Variants in COL22A1 observed in about 807,000 individuals in gnomAD.
COL22A1 encodes the protein collagen type XXII alpha 1 chain, also known as collagen alpha-1(XXII) chain.
In COL22A1, 221 loss-of-function variants were observed where a neutral mutation model predicts 248.9. The ratio of observed to expected loss-of-function variants is 0.89; its 90% CI spans 0.80 to 0.99. The LOEUF (loss-of-function observed/expected upper bound fraction) is 0.99, where lower values mean the gene tolerates loss of function less well. Among genes scored for constraint, COL22A1 ranks in the 50% least tolerant of loss-of-function variants. The pLI is 0.00. For synonymous variants in COL22A1, 891 were observed against 793.4 expected (o/e 1.12, Z -2.07); for missense variants, 2,240 against 2,179.0 (o/e 1.03, Z -0.56).
intron 39 of COL22A1, among the ~76,000 whole-genome samples, chr8:138,681,722 A>G (rs778828541): frequency 3.3e-5 from 5 of 152,124 alleles, no homozygotes; most frequent in Non-Finnish European, 7.4e-5. Flanking sequence ...TCTAGGTCCT[A>G]ATTCCTTAAT....
intron 12 of COL22A1, among the ~76,000 whole-genome samples, chr8:138,795,097 A>C (rs1224743867): frequency 1.3e-5 from 2 of 152,198 alleles, no homozygotes; most frequent in Non-Finnish European, 2.9e-5. Context: ...CTCATTTAAA[A>C]AAAAAAGTGT....
At chr8:138,805,312 GGT>G (rs1267722771) in intron 10 of COL22A1, among the ~76,000 whole-genome samples, 23 of 95,536 alleles carry the variant, frequency 2.4e-4, no homozygotes, top group African/African-American at 1.5e-3. Flanking sequence ...GATGGTGTTT[GGT>G]GTGTGTGTGA....
Position 138,598,991 on chromosome 8 carries a change from G to C in COL22A1, c.4186-93C>G. The stretch of plus-strand genomic sequence containing the variant: ...AGGGGTTCCCCCAGTCTGCCTCTTA[G>C]ATCACTGAAAGGGAGACCTTGGCCC... On this transcript the variant is annotated intron_variant, in intron 60 of 64. Coordinates refer to ENST00000303045, the MANE Select transcript of COL22A1 (RefSeq NM_152888.3). The C allele has an allele frequency of 2.2e-6, 3 of 1,353,602 alleles. No individual in the cohort carries two copies. The South Asian group carries it at 3.7e-5, about 17-fold the overall frequency. 83.8% of individuals were successfully genotyped at this position (1,353,602 alleles called of 1,614,324 possible).
Position 138,646,684 on chromosome 8 carries a change from T to C in COL22A1, c.3448-2A>G. 6.4e-7 allele frequency: 1 copy of C among 1,572,906 alleles called. No homozygotes were observed. The highest frequency in any genetic ancestry group is 8.6e-7 in the Non-Finnish European group (1 of 1,158,482). ...TAGGCCTGGAGGCCCAGCCTCTCCC[T>C]GTATCAGGGATACAAGAAAAAAAAA... On this transcript the variant is annotated splice_acceptor_variant, in intron 46 of 64. Transcript: ENST00000303045. LOFTEE classifies it high-confidence loss of function.
At position 138,688,434 on chromosome 8, in the gene COL22A1, T is replaced by C. The variant is rs553354365; in HGVS notation, c.2862+483A>G. On this transcript the variant is annotated intron_variant, in intron 37 of 64. Coordinates refer to ENST00000303045, the MANE Select transcript of COL22A1 (RefSeq NM_152888.3). ...TACTCAGGAGGCTGAGACATGAGAA[T>C]TGCTTGAACCCGGGAGGCAGAGGTT... Among the ~76,000 whole-genome samples, 4 of 151,974 alleles carry C rather than the reference T, an allele frequency of 2.6e-5. No individual in the cohort carries two copies. The East Asian group carries it at 5.8e-4, about 22-fold the overall frequency.
intron 1 of COL22A1, among the ~76,000 whole-genome samples, chr8:138,912,331 C>A (rs1208337337): frequency 1.3e-5 from 2 of 152,224 alleles, no homozygotes; most frequent in African/African-American, 2.4e-5. Flanking sequence ...TTTCCTGGAA[C>A]CTTTGAACTT....
intron 1 of COL22A1, among the ~76,000 whole-genome samples, chr8:138,904,454 C>G (rs1240406980): frequency 6.6e-6 from 1 of 152,102 alleles, no homozygotes; most frequent in Non-Finnish European, 1.5e-5. Context: ...GAGGACAGGA[C>G]AGCCCTTCTC....
chr8:138,812,724 G>A (rs1232702765), intron 8 of COL22A1, among the ~76,000 whole-genome samples: 1 of 152,058 alleles, frequency 6.6e-6, no homozygotes, highest in Non-Finnish European at 1.5e-5. Context: ...GCAGCACTGG[G>A]GTTACACTGA....
intron 10 of COL22A1, among the ~76,000 whole-genome samples, chr8:138,806,315 GGTGT>G (rs958274692): frequency 1.0e-4 from 15 of 147,794 alleles, no homozygotes; most frequent in Admixed American, 2.7e-4. Context: ...TGTATTATGG[GGTGT>G]GTGTGTGTGT....
intron 3 of COL22A1, among the ~76,000 whole-genome samples, chr8:138,852,793 G>C (rs1358469425): frequency 6.6e-6 from 1 of 151,970 alleles, no homozygotes; most frequent in Non-Finnish European, 1.5e-5. Flanking sequence ...GTATGTGGAG[G>C]GAGTGTTTCA....
At chr8:138,771,274 C>T (rs576992940) in intron 16 of COL22A1, among the ~76,000 whole-genome samples, 1 of 152,304 alleles carries the variant, frequency 6.6e-6, no homozygotes, top group African/African-American at 2.4e-5. Context: ...AGAGCTATGG[C>T]GACAGTCTAG....
intron 47 of COL22A1, among the ~76,000 whole-genome samples, chr8:138,640,278 C>A (rs1451074484): frequency 6.6e-6 from 1 of 152,138 alleles, no homozygotes; most frequent in Admixed American, 6.5e-5. Context: ...ATAAAACAAT[C>A]ATTTGGAAGG....
At chr8:138,880,793 A>G (rs1378951265) in intron 2 of COL22A1, among the ~76,000 whole-genome samples, 3 of 152,248 alleles carry the variant, frequency 2.0e-5, no homozygotes, top group Admixed American at 2.0e-4. Context: ...ATAACGTCCC[A>G]GGCTGTTCAG....
intron 7 of COL22A1, among the ~76,000 whole-genome samples, chr8:138,813,980 A>G (rs1818467544): frequency 6.6e-6 from 1 of 152,256 alleles, no homozygotes; most frequent in Non-Finnish European, 1.5e-5. Flanking sequence ...CCCCTTAAAC[A>G]AGACGTAACA....
intron 41 of COL22A1, among the ~76,000 whole-genome samples, chr8:138,666,779 C>T (rs1824540529): frequency 6.6e-6 from 1 of 152,198 alleles, no homozygotes; most frequent in Non-Finnish European, 1.5e-5. Flanking sequence ...GAGCATTTAA[C>T]TTGTTTACCA....
rs79160090 is a variant in COL22A1 at position 138,728,235 on chromosome 8, G to A, written c.2140-2795C>T. 8.8e-3 allele frequency among the ~76,000 whole-genome samples: 1,334 copies of A among 151,880 alleles called. 6 individuals are homozygous for A. Among genetic ancestry groups the A allele is most frequent in the South Asian group, 0.036 (174 of 4,802 alleles). ...TGTAGAAACAGGGACTTGCTATATT[G>A]CACAGGCCGATCTTGAACTCCTGGG... On this transcript the variant is annotated intron_variant, in intron 23 of 64. Transcript: ENST00000303045.
chr8:138,781,131 A>G (rs1276437017), intron 12 of COL22A1, 151 bp from the exon 13 acceptor site: 7 of 638,300 alleles, frequency 1.1e-5, no homozygotes, highest in East Asian at 2.6e-5. Context: ...CAGCATAGGC[A>G]TCACTTGGGA....
At chr8:138,774,532 C>T (rs1444124936) in intron 16 of COL22A1, among the ~76,000 whole-genome samples, 2 of 151,756 alleles carry the variant, frequency 1.3e-5, no homozygotes, top group Non-Finnish European at 2.9e-5. Context: ...GATTCTCCTG[C>T]CTCAGCCTCC....
At chr8:138,622,511 G>A (rs569747004) in intron 52 of COL22A1, among the ~76,000 whole-genome samples, 1 of 152,052 alleles carries the variant, frequency 6.6e-6, no homozygotes, top group Non-Finnish European at 1.5e-5. Context: ...CATACTCATG[G>A]CTCCAAAAAT....
Sources: gnomAD v4.1 joint callset for allele counts (sites outside exome capture counted in the v4.1 genomes callset) on GRCh38, gnomAD v4.1.1 for gene constraint, MANE v1.5 for transcripts, NCBI Gene and HGNC (gene_info 2026-07-23, HGNC 2026-07-21) for gene names.